Variants in WFDC6 observed in about 807,000 individuals in gnomAD.
The protein encoded by WFDC6 is WAP four-disulfide core domain 6.
In WFDC6, 10 loss-of-function variants were observed where a neutral mutation model predicts 8.2. The ratio of observed to expected loss-of-function variants is 1.22; its 90% CI spans 0.75 to 2.07. The LOEUF (loss-of-function observed/expected upper bound fraction) is 2.07. Ranked by LOEUF, WFDC6 falls within the 30% of genes most tolerant of loss-of-function variation. The pLI, the probability that WFDC6 is intolerant of heterozygous loss-of-function variation, is 0.00. For missense variants in WFDC6, 105 were observed against 104.9 expected (o/e 1.00, Z 0.00); for synonymous variants, 28 against 37.0 (o/e 0.76, Z 0.88).
intron 1 of WFDC6, 25 bp from the exon 2 acceptor site, chr20:45,538,119 C>T: frequency 6.2e-7 from 1 of 1,613,748 alleles, no homozygotes. Context: ...GATATATTCC[C>T]TCAAGGCCTT....
intron 2 of WFDC6, among the ~76,000 whole-genome samples, chr20:45,536,013 C>T (rs1025829039): frequency 2.9e-4 from 44 of 152,206 alleles, no homozygotes; most frequent in Admixed American, 2.0e-3. Context: ...AAACCCTTTC[C>T]GGACATTGAC....
intron 2 of WFDC6, chr20:45,535,295 G>T (rs1313901708): frequency 7.7e-7 from 1 of 1,304,064 alleles, no homozygotes; most frequent in East Asian, 5.5e-5. Flanking sequence ...TGGAGGCCAG[G>T]CAGGGGCCAG....
intron 1 of WFDC6, among the ~76,000 whole-genome samples, 166 bp from the exon 2 acceptor site, chr20:45,538,260 A>G (rs1479069781): frequency 1.3e-5 from 2 of 152,072 alleles, no homozygotes; most frequent in East Asian, 1.9e-4. Context: ...CACTGCTCAC[A>G]TCCCCAACCC....
At chr20:45,534,638 T>G in intron 2 of WFDC6, 133 bp from the exon 3 acceptor site, 1 of 1,035,140 alleles carries the variant, frequency 9.7e-7, no homozygotes, top group Non-Finnish European at 1.4e-6. Context: ...AAGGTGAGTT[T>G]GGGGGCTCCT....
chr20:45,536,245 T>C (rs1260909348), intron 2 of WFDC6, among the ~76,000 whole-genome samples: 1 of 86,238 alleles, frequency 1.2e-5, no homozygotes, highest in African/African-American at 4.4e-5. Context: ...TTCAGGAGTA[T>C]TCACAGAAAA....
At position 45,538,001 on chromosome 20, in the gene WFDC6, G is replaced by A. The variant is rs373051984; in HGVS notation, c.185C>T (p.Pro62Leu). The A allele has an allele frequency of 9.3e-6, 15 of 1,613,960 alleles. No individual in the cohort carries two copies. The highest frequency in any genetic ancestry group is 1.2e-5 in the Non-Finnish European group (14 of 1,179,908). The change falls in exon 2 of 3, where the codon CCG (proline) becomes CTG (leucine). Residue 62 changes from proline to leucine, a missense_variant. Pro to Leu is a moderately conservative substitution (Grantham distance 98). Coordinates refer to ENST00000372670, the MANE Select transcript of WFDC6 (RefSeq NM_080827.2). ...TAAACATTTCTTTCCACGGCTGAACGGGCAACACTTCATGTTTTCTGGGCA... is the reference window on the plus strand; with the variant it reads ...TAAACATTTCTTTCCACGGCTGAACAGGCAACACTTCATGTTTTCTGGGCA... ...RDCPENMKCCPFSRGKKCLDF... is the reference protein window; with the variant it reads ...RDCPENMKCCLFSRGKKCLDF...
At chr20:45,537,466 C>G in intron 2 of WFDC6, 1 of 1,406,058 alleles carries the variant, frequency 7.1e-7, no homozygotes, top group Non-Finnish European at 9.8e-7. Context: ...TTCTTTAGAG[C>G]TCAATAATAT....
At position 45,534,295 on chromosome 20, in the gene WFDC6, G is replaced by A. The variant is rs954819128; in HGVS notation, c.*172C>T. 1.3e-6 allele frequency: 1 copy of A among 763,072 alleles called. No individual in the cohort carries two copies. Among genetic ancestry groups the A allele is most frequent in the East Asian group, 2.5e-5 (1 of 39,884 alleles). 47.3% of individuals were successfully genotyped at this position (763,072 alleles called of 1,614,324 possible). A position where few individuals can be genotyped will look rare whatever the true frequency, so the allele number is the denominator to read the frequency against. The stretch of plus-strand genomic sequence containing the variant: ...ACATAGAGTTTCATACTGAGAAGTG[G>A]TCAAGGGGAAGAGCATTGTGTTTGA... On this transcript the variant is annotated 3_prime_UTR_variant, in exon 3 of 3. Coordinates refer to ENST00000372670, the MANE Select transcript of WFDC6 (RefSeq NM_080827.2).
At chr20:45,538,197 C>G in intron 1 of WFDC6, 103 bp from the exon 2 acceptor site, 1 of 1,576,708 alleles carries the variant, frequency 6.3e-7, no homozygotes, top group Non-Finnish European at 8.6e-7. Context: ...TTTGTTTCCA[C>G]TTCACCTATC....
intron 2 of WFDC6, chr20:45,537,253 C>A: frequency 4.2e-6 from 2 of 473,258 alleles, no homozygotes; most frequent in Non-Finnish European, 3.8e-6. Flanking sequence ...CTTTGCACAT[C>A]CTATTATCTG....
rs1979434454 is a variant in WFDC6, at chr20:45,538,015, G to A, written c.171C>T (p.Asn57=). Residue 57 remains asparagine, a synonymous_variant, in exon 2 of 3, where the codon AAC becomes AAT. Transcript: ENST00000372670. ...CACGGCTGAACGGGCAACACTTCAT[G>A]TTTTCTGGGCAATCTCTGGGTTTGG... ...QCTKPRDCPE[N]MKCCPFSRGK... is the part of the protein sequence containing the mutation. The A allele has an allele frequency of 6.2e-7, 1 of 1,613,862 alleles. No individual in the cohort carries two copies. Among genetic ancestry groups the A allele is most frequent in the African/African-American group, 1.3e-5 (1 of 74,886 alleles).
rs1353516616 is a variant in WFDC6, at chr20:45,534,417, A to G, written c.*50T>C. 1.9e-6 allele frequency: 3 copies of G among 1,612,074 alleles called. No individual in the cohort carries two copies. The highest frequency in any genetic ancestry group is 2.5e-6 in the Non-Finnish European group (3 of 1,178,286). On this transcript the variant is annotated 3_prime_UTR_variant, in exon 3 of 3. Coordinates refer to ENST00000372670, the MANE Select transcript of WFDC6 (RefSeq NM_080827.2). ...CCCGTGGAAGCCAATTTGGAGCATCAATCAGGCACACGTGGAGAGAGGCCT... is the reference window on the plus strand; with the variant it reads ...CCCGTGGAAGCCAATTTGGAGCATCGATCAGGCACACGTGGAGAGAGGCCT...
At chr20:45,538,930 G>T (rs1200128508) in intron 1 of WFDC6, among the ~76,000 whole-genome samples, 1 of 152,148 alleles carries the variant, frequency 6.6e-6, no homozygotes, top group African/African-American at 2.4e-5. Context: ...AAAGACCAGG[G>T]TCCTCTGTGG....
In WFDC6 at chr20:45,534,453, C is replaced by T; in HGVS notation, c.*14G>A. On this transcript the variant is annotated 3_prime_UTR_variant, in exon 3 of 3. Coordinates refer to ENST00000372670, the MANE Select transcript of WFDC6 (RefSeq NM_080827.2). ...CGTGGAGAGAGGCCTGGATTATGAG[C>T]CAAATCCTGGAGGTTATTCAAGCTC... is the stretch of plus-strand genomic sequence containing the variant. 6.2e-7 allele frequency: 1 copy of T among 1,613,964 alleles called. No homozygotes were observed. The highest frequency in any genetic ancestry group is 8.5e-7 in the Non-Finnish European group (1 of 1,179,894).
chr20:45,534,442 T>A lies in WFDC6; in HGVS notation c.*25A>T. On this transcript the variant is annotated 3_prime_UTR_variant, in exon 3 of 3. Transcript: ENST00000372670. Reference sequence around the variant, plus strand: ...AATCAGGCACACGTGGAGAGAGGCCTGGATTATGAGCCAAATCCTGGAGGT... The same window carrying A: ...AATCAGGCACACGTGGAGAGAGGCCAGGATTATGAGCCAAATCCTGGAGGT... 6.2e-7 allele frequency: 1 copy of A among 1,613,942 alleles called. No homozygotes were observed. The highest frequency in any genetic ancestry group is 8.5e-7 in the Non-Finnish European group (1 of 1,179,824).
intron 2 of WFDC6, chr20:45,537,571 A>C (rs757404994): frequency 6.5e-6 from 10 of 1,549,252 alleles, no homozygotes; most frequent in Non-Finnish European, 8.7e-6. Flanking sequence ...AAGCCAGGAA[A>C]TACAGATTAT....
In WFDC6 at chr20:45,534,486, T is replaced by G. The variant is rs759544294; in HGVS notation, c.242A>C (p.His81Pro). ...DFRKVSLTLY[H>P]KEELE Reference sequence around the variant, plus strand: ...TGGAGGTTATTCAAGCTCCTCCTTATGGTATAAAGTAAGGCTGACCTGTGA... The same window carrying G: ...TGGAGGTTATTCAAGCTCCTCCTTAGGGTATAAAGTAAGGCTGACCTGTGA... Residue 81 changes from histidine to proline, a missense_variant, in exon 3 of 3, where the codon CAT becomes CCT. By Grantham distance (77) the His-to-Pro change is moderately conservative. Transcript: ENST00000372670. 1.1e-5 allele frequency: 17 copies of G among 1,613,982 alleles called. No individual in the cohort carries two copies. In the African/African-American group the frequency reaches 2.1e-4, roughly 20 times the overall value.
At chr20:45,534,550 A>G (rs1979293176) in intron 2 of WFDC6, 45 bp from the exon 3 acceptor site, 3 of 1,604,234 alleles carry the variant, frequency 1.9e-6, no homozygotes, top group Non-Finnish European at 2.6e-6. Context: ...GACCCTGACC[A>G]CATTAGGAAC....
Position 45,534,499 on chromosome 20 carries a change from G to A in WFDC6, c.229C>T (p.Leu77Phe), listed in dbSNP as rs1472942578. Residue 77 changes from leucine to phenylalanine, a missense_variant, in exon 3 of 3, where the codon CTT becomes TTT. Physicochemically the swap from Leu to Phe is conservative, Grantham distance 22. Coordinates refer to ENST00000372670, the MANE Select transcript of WFDC6 (RefSeq NM_080827.2). ...KKCLDFRKVSLTLYHKEELE is the reference protein window; with the variant it reads ...KKCLDFRKVSFTLYHKEELE ...AGCTCCTCCTTATGGTATAAAGTAA[G>A]GCTGACCTGTGAAGCAGAAGAATAA... 1 of 1,613,960 alleles carries A rather than the reference G, an allele frequency of 6.2e-7. No homozygotes were observed. Among genetic ancestry groups the A allele is most frequent in the Non-Finnish European group, 8.5e-7 (1 of 1,179,902 alleles).
Sources: gnomAD v4.1 joint callset for allele counts (sites outside exome capture counted in the v4.1 genomes callset) on GRCh38, gnomAD v4.1.1 for gene constraint, MANE v1.5 for transcripts, NCBI Gene and HGNC (gene_info 2026-07-23, HGNC 2026-07-21) for gene names.